The following PCDHGA10 variants were observed in gnomAD, a reference collection of about 807,000 sequenced individuals.
PCDHGA10 encodes protocadherin gamma subfamily A, 10.
Under a neutral mutation model 59.5 loss-of-function variants are expected in PCDHGA10, and 42 were observed. The observed-to-expected ratio is 0.71, with a 90% confidence interval of 0.55 to 0.91. The LOEUF is 0.91. Among genes scored for constraint, PCDHGA10 ranks in the 40% least tolerant of loss-of-function variants. PCDHGA10 has a pLI of 0.00. For missense variants in PCDHGA10, 1,111 were observed against 1,198.2 expected (o/e 0.93, Z 1.07); for synonymous variants, 511 against 517.2 (o/e 0.99, Z 0.16).
chr5:141,485,105 G>A lies in PCDHGA10; in HGVS notation c.2437-9702G>A. On this transcript the variant is annotated intron_variant, in intron 1 of 3. Transcript: ENST00000398610. The surrounding 1 kb of genome is among the most constrained non-coding windows in gnomAD (Gnocchi z 5.7). ...AGGGAGATAGGTGTCTCCAGCTGCT[G>A]TGGCTGTTTGGGGCGGGTCGGCTTC... 8.3e-7 allele frequency: 1 copy of A among 1,205,940 alleles called. No individual in the cohort carries two copies. Among genetic ancestry groups the A allele is most frequent in the Non-Finnish European group, 1.2e-6 (1 of 827,784 alleles). The allele number at this position is 1,205,940 out of a possible 1,614,324, so 74.7% of individuals were successfully genotyped here.
chr5:141,509,645 G>C (rs138497208), intron 3 of PCDHGA10, among the ~76,000 whole-genome samples: 8 of 152,338 alleles, frequency 5.3e-5, no homozygotes, highest in African/African-American at 1.9e-4. Context: ...GCCAGGGCCA[G>C]AGTGTGGACT....
At chr5:141,425,756 A>G (rs1282506394) in intron 1 of PCDHGA10, among the ~76,000 whole-genome samples, 1 of 152,228 alleles carries the variant, frequency 6.6e-6, no homozygotes, top group Non-Finnish European at 1.5e-5. Flanking sequence ...TTTTTGTTCT[A>G]CAACAGGAGA....
chr5:141,500,989 C>T (rs779352768), intron 2 of PCDHGA10, among the ~76,000 whole-genome samples: 1 of 152,040 alleles, frequency 6.6e-6, no homozygotes, highest in Non-Finnish European at 1.5e-5. Context: ...CTGCCTCAGC[C>T]TCCTGAGTAG....
chr5:141,484,960 C>A, intron 1 of PCDHGA10: 1 of 577,142 alleles, frequency 1.7e-6, no homozygotes, highest in Non-Finnish European at 3.1e-6. Flanking sequence ...TTGGCTGAGC[C>A]CGGGAGCCGC....
Position 141,476,279 on chromosome 5 carries a change from G to T in PCDHGA10, c.2437-18528G>T. The T allele has an allele frequency of 6.2e-7, 1 of 1,614,148 alleles. No individual in the cohort carries two copies. Among genetic ancestry groups the T allele is most frequent in the Non-Finnish European group, 8.5e-7 (1 of 1,180,024 alleles). On this transcript the variant is annotated intron_variant, in intron 1 of 3. Coordinates refer to ENST00000398610, the MANE Select transcript of PCDHGA10 (RefSeq NM_018913.3). This position sits in a 1 kb window ranked among gnomAD's most constrained non-coding sequence, Gnocchi z 7.6. ...TGTGGGCAACGTGGTCGCGAACCTT[G>T]GTTTGGATCTCGGTAGCCTCTCAGC...
At chr5:141,430,638 G>A in intron 1 of PCDHGA10, 1 of 898,338 alleles carries the variant, frequency 1.1e-6, no homozygotes, top group Non-Finnish European at 1.6e-6. Flanking sequence ...CCATCCCTGG[G>A]AGTATGTGGA....
chr5:141,426,542 T>C, intron 1 of PCDHGA10: 1 of 347,918 alleles, frequency 2.9e-6, no homozygotes, highest in South Asian at 2.2e-5. Context: ...AACATACTTG[T>C]GAGTGACAGA....
At position 141,413,330 on chromosome 5, in the gene PCDHGA10, T is replaced by G. The variant is rs770842309; in HGVS notation, c.155T>G (p.Ile52Ser). The G allele has an allele frequency of 6.2e-7, 1 of 1,613,812 alleles. No individual in the cohort carries two copies. Among genetic ancestry groups the G allele is most frequent in the Non-Finnish European group, 8.5e-7 (1 of 1,179,914 alleles). Residue 52 changes from isoleucine to serine, a missense_variant, in exon 1 of 4, where the codon ATC becomes AGC. Ile to Ser is a moderately radical substitution (Grantham distance 142). Transcript: ENST00000398610. ...ELEKGSFVGN[I>S]SKDLGLAPRE... ...GAGAAAGGCTCTTTCGTGGGCAACA[T>G]CTCCAAGGACTTGGGTCTGGCGCCC...
intron 1 of PCDHGA10, chr5:141,433,160 A>G: frequency 1.9e-6 from 3 of 1,613,848 alleles, no homozygotes; most frequent in Middle Eastern, 1.7e-4. Context: ...GGTATTTTCT[A>G]AAGACAGTCA....
chr5:141,428,632 G>A (rs574049916), intron 1 of PCDHGA10: 35 of 182,522 alleles, frequency 1.9e-4, no homozygotes, highest in African/African-American at 7.6e-4. Context: ...CTCTAACTCT[G>A]TTGCTCCTAC....
chr5:141,492,091 C>G (rs930375969), intron 1 of PCDHGA10, among the ~76,000 whole-genome samples: 5 of 152,242 alleles, frequency 3.3e-5, no homozygotes, highest in Non-Finnish European at 5.9e-5. Flanking sequence ...CACGCTTCGC[C>G]GGTCTGTAGA....
At chr5:141,464,558 A>G (rs1276921889) in intron 1 of PCDHGA10, among the ~76,000 whole-genome samples, 2 of 152,176 alleles carry the variant, frequency 1.3e-5, no homozygotes, top group Non-Finnish European at 2.9e-5. Context: ...CCCATCTTGC[A>G]TTCCTACAAA....
At chr5:141,433,320 T>A in intron 1 of PCDHGA10, 1 of 792,046 alleles carries the variant, frequency 1.3e-6, no homozygotes, top group Non-Finnish European at 2.0e-6. Flanking sequence ...TTGCCTCCGG[T>A]GTAACAGGGA....
In PCDHGA10 at chr5:141,466,692, A is replaced by G. The variant is rs185786515; in HGVS notation, c.2437-28115A>G. Among the ~76,000 whole-genome samples the G allele has an allele frequency of 3.0e-4, 46 of 152,280 alleles. 1 individual carries two copies. The highest frequency in any genetic ancestry group is 1.0e-3 in the African/African-American group (43 of 41,558). On this transcript the variant is annotated intron_variant, in intron 1 of 3. Coordinates refer to ENST00000398610, the MANE Select transcript of PCDHGA10 (RefSeq NM_018913.3). ...ACCGTTCTTCCACTCAAGCTTCATCATAAATTTGATGTCTGTTCTTGTTTC... is the reference window on the plus strand; with the variant it reads ...ACCGTTCTTCCACTCAAGCTTCATCGTAAATTTGATGTCTGTTCTTGTTTC...
Position 141,485,718 on chromosome 5 carries a change from T to A in PCDHGA10, c.2437-9089T>A, listed in dbSNP as rs562192762. ...TCCAATGAACACTTTGCACTGGATG[T>A]GAAGAAGCGCAGCGACGGCAGCCTG... On this transcript the variant is annotated intron_variant, in intron 1 of 3. Coordinates refer to ENST00000398610, the MANE Select transcript of PCDHGA10 (RefSeq NM_018913.3). The surrounding 1 kb of genome is among the most constrained non-coding windows in gnomAD (Gnocchi z 5.7). 1 of 1,614,058 alleles carries A rather than the reference T, an allele frequency of 6.2e-7. No homozygotes were observed. The highest frequency in any genetic ancestry group is 2.2e-5 in the East Asian group (1 of 44,866).
chr5:141,489,894 G>A lies in PCDHGA10; in HGVS notation c.2437-4913G>A, dbSNP rs942456058. 33 of 1,614,204 alleles carry A rather than the reference G, an allele frequency of 2.0e-5. No individual in the cohort carries two copies. The highest frequency in any genetic ancestry group is 2.4e-5 in the Non-Finnish European group (28 of 1,180,028). Reference sequence around the variant, plus strand: ...TGGTGCTTACTGCTGTGGATGGGGGGACCCCAGCCCGCTCAGGGACCACCC... The same window carrying A: ...TGGTGCTTACTGCTGTGGATGGGGGAACCCCAGCCCGCTCAGGGACCACCC... On this transcript the variant is annotated intron_variant, in intron 1 of 3. Coordinates refer to ENST00000398610, the MANE Select transcript of PCDHGA10 (RefSeq NM_018913.3). This position sits in a 1 kb window ranked among gnomAD's most constrained non-coding sequence, Gnocchi z 4.5.
At chr5:141,456,599 A>T (rs2098870253) in intron 1 of PCDHGA10, among the ~76,000 whole-genome samples, 1 of 152,174 alleles carries the variant, frequency 6.6e-6, no homozygotes, top group African/African-American at 2.4e-5. Flanking sequence ...TTTTGATTTG[A>T]TTTTTAAGTC....
intron 1 of PCDHGA10, among the ~76,000 whole-genome samples, chr5:141,488,839 G>A (rs954244872): frequency 2.6e-5 from 4 of 152,206 alleles, no homozygotes; most frequent in African/African-American, 9.6e-5. Flanking sequence ...CAAGGGGGCT[G>A]AATCAACCTG....
chr5:141,485,666 A>G lies in PCDHGA10; in HGVS notation c.2437-9141A>G. ...GGCTCAGGATGCAGATGTGGGGAGC[A>G]ATTCGATTAGCAGCTATAGGCTGAG... On this transcript the variant is annotated intron_variant, in intron 1 of 3. Coordinates refer to ENST00000398610, the MANE Select transcript of PCDHGA10 (RefSeq NM_018913.3). The surrounding 1 kb of genome is among the most constrained non-coding windows in gnomAD (Gnocchi z 5.7). 1 of 1,612,786 alleles carries G rather than the reference A, an allele frequency of 6.2e-7. No homozygotes were observed. Among genetic ancestry groups the G allele is most frequent in the Non-Finnish European group, 8.5e-7 (1 of 1,178,960 alleles).
Sources: gnomAD v4.1 joint callset for allele counts (sites outside exome capture counted in the v4.1 genomes callset) on GRCh38, gnomAD v4.1.1 for gene constraint, Gnocchi (gnomAD v3.1) non-coding constraint, MANE v1.5 for transcripts, NCBI Gene and HGNC (gene_info 2026-07-23, HGNC 2026-07-21) for gene names.